MILR1: variants seen among roughly 807,000 people sequenced by gnomAD.
The protein encoded by MILR1 is mast cell immunoglobulin like receptor 1, also known as allergin-1.
In MILR1, 31 loss-of-function variants were observed where a neutral mutation model predicts 18.5. The observed-to-expected ratio is 1.68, with a 90% CI of 1.26 to 2.26. The LOEUF (loss-of-function observed/expected upper bound fraction) is 2.26, where lower values mean the gene tolerates loss of function less well. Ranked by LOEUF, MILR1 falls within the 30% of genes most tolerant of loss-of-function variation. The pLI is 0.00. For missense variants in MILR1, 257 were observed against 157.4 expected, an observed-to-expected ratio of 1.63 and a Z score of -3.38; for synonymous variants, 85 against 56.2, an observed-to-expected ratio of 1.51 and a Z score of -2.30.
Position 64,452,729 on chromosome 17 carries a change from G to A in MILR1, c.230G>A (p.Gly77Glu). ...TTGTTTCGACGTAAGACACACCTGG[G>A]AACCCAGGATGGAAAAGGTGAACCT... The part of the protein sequence containing the change: ...YSLFRRKTHL[G>E]TQDGKGEPAI... Residue 77 changes from glycine to glutamate, a missense_variant, in exon 3 of 10, where the codon GGA (glycine) becomes GAA (glutamate). Gly to Glu is a moderately conservative substitution (Grantham distance 98). Transcript: ENST00000619286. 1 of 475,270 alleles carries A rather than the reference G, an allele frequency of 2.1e-6. No homozygotes were observed. The highest frequency in any genetic ancestry group is 3.9e-6 in the Non-Finnish European group (1 of 259,016). 29.4% of individuals were successfully genotyped at this position (475,270 alleles called of 1,614,324 possible).
intron 4 of MILR1, among the ~76,000 whole-genome samples, chr17:64,459,995 T>A (rs1459302418): frequency 1.3e-4 from 5 of 38,650 alleles, no homozygotes; most frequent in African/African-American, 7.4e-4. Context: ...TATTTTATTT[T>A]ATTTATTTAT....
the MILR1 span, among the ~76,000 whole-genome samples, chr17:64,489,145 G>T: frequency 1.3e-5 from 2 of 150,890 alleles, no homozygotes; most frequent in Non-Finnish European, 2.9e-5. Flanking sequence ...GTAAGGAAGT[G>T]CTCGTCAAGA....
chr17:64,490,840 G>A, the MILR1 span: 1 of 1,613,576 alleles, frequency 6.2e-7, no homozygotes, highest in Non-Finnish European at 8.5e-7. Context: ...AAAAGTTCGT[G>A]ATCTCCTAGG....
chr17:64,454,591 T>C (rs2037249453), intron 3 of MILR1, among the ~76,000 whole-genome samples: 1 of 152,198 alleles, frequency 6.6e-6, no homozygotes, highest in African/African-American at 2.4e-5. Flanking sequence ...ATAACTGTCT[T>C]AATAATCCAA....
chr17:64,487,767 C>G, the MILR1 span, among the ~76,000 whole-genome samples: 1 of 151,824 alleles, frequency 6.6e-6, no homozygotes, highest in East Asian at 1.9e-4. Flanking sequence ...TTTGGGAGGC[C>G]AGGGCAGGAG....
At chr17:64,488,691 A>T in the MILR1 span, among the ~76,000 whole-genome samples, 1 of 152,232 alleles carries the variant, frequency 6.6e-6, no homozygotes, top group Non-Finnish European at 1.5e-5. Context: ...ATGAAGTGTG[A>T]TGGTGGTGGA....
chr17:64,449,310 T>C lies in MILR1; in HGVS notation c.56-4T>C, dbSNP rs1164759279. The C allele has an allele frequency of 3.0e-5, 14 of 473,722 alleles. No individual in the cohort carries two copies. Among genetic ancestry groups the C allele is most frequent in the Non-Finnish European group, 4.6e-5 (12 of 258,318 alleles). The allele number at this position is 473,722 out of a possible 1,614,324, so 29.3% of individuals were successfully genotyped here. A position where few individuals can be genotyped will look rare whatever the true frequency, so the allele number is the denominator to read the frequency against. ...AGCTTTATCGTGTTCCTTTTCTGTTTCAGGTAGAAAAGCTGTATTGGATTG... is the reference window on the plus strand; with the variant it reads ...AGCTTTATCGTGTTCCTTTTCTGTTCCAGGTAGAAAAGCTGTATTGGATTG... On this transcript the variant is annotated splice_region_variant and splice_polypyrimidine_tract_variant and intron_variant, in intron 1 of 9. Transcript: ENST00000619286.
At chr17:64,496,412 A>G in the MILR1 span, 1 of 1,570,556 alleles carries the variant, frequency 6.4e-7, no homozygotes, top group Non-Finnish European at 8.7e-7. Context: ...CATACCGTGA[A>G]GAAGGTTCTC....
Position 64,467,629 on chromosome 17 carries a change from A to T in MILR1, c.*12A>T, listed in dbSNP as rs371306359. ...AACTCAACTTCTGAAATTTACAGAA[A>T]CAAACTACATCTCAGGGTAAGATGC... On this transcript the variant is annotated 3_prime_UTR_variant, in exon 9 of 10. Transcript: ENST00000619286. 3.2e-6 allele frequency: 5 copies of T among 1,555,966 alleles called. No individual in the cohort carries two copies. Among genetic ancestry groups the T allele is most frequent in the Non-Finnish European group, 4.4e-6 (5 of 1,141,236 alleles).
At chr17:64,467,511 A>G in intron 8 of MILR1, 54 bp from the exon 9 acceptor site, 1 of 1,146,226 alleles carries the variant, frequency 8.7e-7, no homozygotes, top group South Asian at 1.4e-5. Flanking sequence ...ATTTTTAAAA[A>G]CAGCCTTGCT....
chr17:64,462,786 A>G (rs2037462340), intron 5 of MILR1, among the ~76,000 whole-genome samples: 2 of 151,562 alleles, frequency 1.3e-5, no homozygotes, highest in African/African-American at 2.4e-5. Context: ...GATTACAGGC[A>G]CCCACCACCA....
chr17:64,468,913 C>T (rs372411477), downstream of MILR1, among the ~76,000 whole-genome samples: 465 of 151,896 alleles, frequency 3.1e-3, 2 homozygotes, highest in African/African-American at 0.011. Flanking sequence ...GGTGAAACCC[C>T]GTCTGTACTA....
At chr17:64,449,461 G>A (rs1250006803) in intron 2 of MILR1, 106 bp downstream of exon 2, 1 of 412,460 alleles carries the variant, frequency 2.4e-6, no homozygotes, top group African/African-American at 2.0e-5. Flanking sequence ...GAGCTTTTAT[G>A]AACAACCAAA....
chr17:64,463,624 A>G (rs1431831794), intron 5 of MILR1, among the ~76,000 whole-genome samples: 4 of 152,116 alleles, frequency 2.6e-5, no homozygotes, highest in African/African-American at 9.7e-5. Context: ...ATAAAACTTG[A>G]ACACAGAGGT....
chr17:64,453,772 G>A (rs1303568019), intron 3 of MILR1, among the ~76,000 whole-genome samples: 3 of 151,926 alleles, frequency 2.0e-5, no homozygotes, highest in African/African-American at 7.3e-5. Flanking sequence ...GACTCCTGTG[G>A]GAGGAGAGAA....
chr17:64,449,451 G>T (rs909085613), intron 2 of MILR1, 96 bp downstream of exon 2: 8 of 413,214 alleles, frequency 1.9e-5, no homozygotes, highest in African/African-American at 1.0e-4. Context: ...AAGTGTTTCT[G>T]AGCTTTTATG....
At chr17:64,461,052 A>T (rs1315961782) in intron 5 of MILR1, 120 bp downstream of exon 5, 4 of 402,238 alleles carry the variant, frequency 9.9e-6, no homozygotes, top group Non-Finnish European at 1.8e-5. Flanking sequence ...GAAAATGAAA[A>T]TAGGAGGAAA....
At chr17:64,486,088 T>A in the MILR1 span, among the ~76,000 whole-genome samples, 1 of 152,220 alleles carries the variant, frequency 6.6e-6, no homozygotes, top group African/African-American at 2.4e-5. Flanking sequence ...AAGTAAAGTT[T>A]CATTTTACAA....
At chr17:64,455,535 G>A (rs2037273655) in intron 3 of MILR1, among the ~76,000 whole-genome samples, 1 of 151,878 alleles carries the variant, frequency 6.6e-6, no homozygotes, top group Non-Finnish European at 1.5e-5. Context: ...CTCACTGCAA[G>A]CTCTGCCTCC....
Sources: gnomAD v4.1 joint callset for allele counts (sites outside exome capture counted in the v4.1 genomes callset) on GRCh38, gnomAD v4.1.1 for gene constraint, MANE v1.5 for transcripts, NCBI Gene and HGNC (gene_info 2026-07-23, HGNC 2026-07-21) for gene names.